Variants in IMMT observed in about 807,000 individuals in gnomAD.
IMMT encodes inner membrane mitochondrial protein.
In IMMT, 40 loss-of-function variants were observed where a neutral mutation model predicts 92.7. The ratio of observed to expected loss-of-function variants is 0.43; its 90% CI spans 0.34 to 0.56. IMMT has a LOEUF of 0.56. IMMT is among the 20% of genes least tolerant of loss of function. The pLI is 0.03. For missense variants in IMMT, 831 were observed against 912.1 expected (o/e 0.91, Z 1.14); for synonymous variants, 322 against 336.1 (o/e 0.96, Z 0.46).
chr2:86,188,201 G>C (rs987370394), intron 1 of IMMT, among the ~76,000 whole-genome samples: 2 of 151,720 alleles, frequency 1.3e-5, no homozygotes, highest in African/African-American at 4.8e-5. Context: ...CACCATGCCC[G>C]GCTAATTTGT....
In IMMT at chr2:86,144,181, G is replaced by C; in HGVS notation, c.*87C>G. The C allele has an allele frequency of 6.9e-7, 1 of 1,440,944 alleles. No homozygotes were observed. Among genetic ancestry groups the C allele is most frequent in the Non-Finnish European group, 9.5e-7 (1 of 1,052,592 alleles). The allele number at this position is 1,440,944 out of a possible 1,614,324, so 89.3% of individuals were successfully genotyped here. ...TGTAAACCTGCTCATTTCTAGACAA[G>C]TCCGGGACTCTCGCTGCGAACCCTT... On this transcript the variant is annotated 3_prime_UTR_variant, in exon 15 of 15. Transcript: ENST00000410111.
intron 12 of IMMT, among the ~76,000 whole-genome samples, chr2:86,150,378 T>C (rs548666161): frequency 2.0e-5 from 3 of 152,258 alleles, no homozygotes; most frequent in East Asian, 1.9e-4. Context: ...TATGCCACCA[T>C]TTGAGAGGCT....
intron 3 of IMMT, among the ~76,000 whole-genome samples, chr2:86,175,416 T>C (rs1677368718): frequency 1.3e-5 from 2 of 152,142 alleles, no homozygotes; most frequent in African/African-American, 4.8e-5. Context: ...TATTTGGTAC[T>C]ATCTTAATGT....
rs12478369 is a variant in IMMT, at chr2:86,172,831, C to A, written c.421+819G>T. ...CCCCACCACCCTTTTACATGACTTACCCCCCTTATCTCTTTCTAATCTTTG... is the reference window on the plus strand; with the variant it reads ...CCCCACCACCCTTTTACATGACTTAACCCCCTTATCTCTTTCTAATCTTTG... On this transcript the variant is annotated intron_variant, in intron 4 of 14. Coordinates refer to ENST00000410111, the MANE Select transcript of IMMT (RefSeq NM_006839.3). Among the ~76,000 whole-genome samples, 231 of 152,058 alleles carry A rather than the reference C, an allele frequency of 1.5e-3. 2 individuals carry two copies. The highest frequency in any genetic ancestry group is 5.4e-3 in the African/African-American group (223 of 41,482).
intron 3 of IMMT, among the ~76,000 whole-genome samples, chr2:86,176,988 T>C (rs142091340): frequency 2.0e-5 from 3 of 152,322 alleles, no homozygotes; most frequent in South Asian, 4.1e-4. Context: ...TTAAAGTCCA[T>C]AGGGAAGAAT....
chr2:86,175,809 A>C (rs999847310), intron 3 of IMMT, among the ~76,000 whole-genome samples: 1 of 152,136 alleles, frequency 6.6e-6, no homozygotes, highest in South Asian at 2.1e-4. Flanking sequence ...TGAAGGATGC[A>C]GCCCCTGAAG....
At chr2:86,148,541 G>C (rs1675216827) in intron 12 of IMMT, among the ~76,000 whole-genome samples, 1 of 152,180 alleles carries the variant, frequency 6.6e-6, no homozygotes, top group Non-Finnish European at 1.5e-5. Context: ...GAACCGAGGA[G>C]GCAGAGCTTG....
chr2:86,144,965 C>T, intron 14 of IMMT, 84 bp from the exon 15 acceptor site: 1 of 1,441,970 alleles, frequency 6.9e-7, no homozygotes, highest in Non-Finnish European at 9.3e-7. Context: ...ATTCAACAAG[C>T]TACATCTACA....
At chr2:86,167,726 T>G (rs1406332481) in intron 6 of IMMT, among the ~76,000 whole-genome samples, 1 of 133,286 alleles carries the variant, frequency 7.5e-6, no homozygotes, top group African/African-American at 2.9e-5. Flanking sequence ...TCGTGATCCA[T>G]CCACCTCAGC....
chr2:86,177,120 A>G (rs1677481515), intron 3 of IMMT, among the ~76,000 whole-genome samples: 1 of 152,206 alleles, frequency 6.6e-6, no homozygotes, highest in Non-Finnish European at 1.5e-5. Context: ...ATGGGTCTCT[A>G]GATCATGTTA....
chr2:86,144,231 G>C lies in IMMT; in HGVS notation c.*37C>G. 1 of 1,605,760 alleles carries C rather than the reference G, an allele frequency of 6.2e-7. No homozygotes were observed. Among genetic ancestry groups the C allele is most frequent in the Non-Finnish European group, 8.5e-7 (1 of 1,174,430 alleles). ...TCATCTATCACTGCTGATTTCCTTT[G>C]ACATGAAATATGACTTTATGAAAAT... On this transcript the variant is annotated 3_prime_UTR_variant, in exon 15 of 15. Coordinates refer to ENST00000410111, the MANE Select transcript of IMMT (RefSeq NM_006839.3).
chr2:86,151,168 T>C (rs1675444949), intron 12 of IMMT, 129 bp downstream of exon 12: 1 of 750,238 alleles, frequency 1.3e-6, no homozygotes, highest in Non-Finnish European at 2.2e-6. Flanking sequence ...TCCACCCACC[T>C]TGGCCTCCCA....
At position 86,166,654 on chromosome 2, in the gene IMMT, A is replaced by C. The variant is rs1452036625; in HGVS notation, c.656-10T>G. ...AAGCTCTTGGCTAGAGCTTAAAAAA[A>C]AAAAAGAACAGTTAAAAAACAAATC... On this transcript the variant is annotated splice_polypyrimidine_tract_variant and intron_variant, in intron 6 of 14. Transcript: ENST00000410111. The C allele has an allele frequency of 1.5e-5, 24 of 1,581,104 alleles. No homozygotes were observed. The highest frequency in any genetic ancestry group is 2.1e-5 in the Non-Finnish European group (24 of 1,169,036).
At position 86,181,382 on chromosome 2, in the gene IMMT, G is replaced by A. The variant is rs1558837215; in HGVS notation, c.46-10C>T. 2 of 1,605,708 alleles carry A rather than the reference G, an allele frequency of 1.2e-6. No homozygotes were observed. The highest frequency in any genetic ancestry group is 2.2e-5 in the South Asian group (2 of 90,856). ...TCCCACAGAGACAACTCTAAAGAAG[G>A]AAAACACATCACAACCAATACAGTT... On this transcript the variant is annotated splice_polypyrimidine_tract_variant and intron_variant, in intron 1 of 14. Coordinates refer to ENST00000410111, the MANE Select transcript of IMMT (RefSeq NM_006839.3).
In IMMT at chr2:86,164,689, C is replaced by CAAAAAAAAAAAAAA. The variant is rs56964046; in HGVS notation, c.792+1805_792+1818dup. ...CTGGTGACAGAGCAAGACTCTGTCTCAAAAAAAAAAAAAAAGGAATGGATG... is the reference window on the plus strand; with the variant it reads ...CTGGTGACAGAGCAAGACTCTGTCTCAAAAAAAAAAAAAAAAAAAAAAAAAAAAAGGAATGGATG... On this transcript the variant is annotated intron_variant, in intron 7 of 14. Transcript: ENST00000410111. 3.9e-3 allele frequency among the ~76,000 whole-genome samples: 436 copies of CAAAAAAAAAAAAAA among 111,322 alleles called. 37 individuals are homozygous for CAAAAAAAAAAAAAA. Among genetic ancestry groups the CAAAAAAAAAAAAAA allele is most frequent in the African/African-American group, 0.015 (421 of 27,364 alleles). 73.0% of individuals were successfully genotyped at this position (111,322 alleles called of 152,430 possible).
At chr2:86,176,016 T>C (rs1297031426) in intron 3 of IMMT, among the ~76,000 whole-genome samples, 1 of 152,212 alleles carries the variant, frequency 6.6e-6, no homozygotes, top group Non-Finnish European at 1.5e-5. Flanking sequence ...ATATTTGTAA[T>C]GAAGGGCAAC....
At position 86,144,658 on chromosome 2, in the gene IMMT, C is replaced by A; in HGVS notation, c.1887G>T (p.Glu629Asp). 1 of 1,613,938 alleles carries A rather than the reference C, an allele frequency of 6.2e-7. No individual in the cohort carries two copies. The change falls in exon 15 of 15, where the codon GAG (glutamate) becomes GAT (aspartate). Residue 629 changes from glutamate to aspartate, a missense_variant. Coordinates refer to ENST00000410111, the MANE Select transcript of IMMT (RefSeq NM_006839.3). ...CAGCATAGAAACGGGCTCTAAGGGT[C>A]TCTTCACTGTACACCCCACGGGTCA... ...ESLTRGVYSE[E>D]TLRARFYAVQ...
At chr2:86,181,160 T>A (rs967327493) in intron 2 of IMMT, 139 bp downstream of exon 2, 3 of 594,132 alleles carry the variant, frequency 5.0e-6, no homozygotes, top group Non-Finnish European at 9.1e-6. Flanking sequence ...GGTACCCCAA[T>A]AATGTTACAG....
Position 86,144,404 on chromosome 2 carries a change from T to C in IMMT, c.2141A>G (p.Lys714Arg). Reference sequence around the variant, plus strand: ...CTGTGCCACTCGTCTGGATTCCCCCTTCAGCTGATTGACAAACTTTGCTGC... The same window carrying C: ...CTGTGCCACTCGTCTGGATTCCCCCCTCAGCTGATTGACAAACTTTGCTGC... The part of the protein sequence containing the change: ...ELAAKFVNQL[K>R]GESRRVAQDW... Residue 714 changes from lysine to arginine, a missense_variant, in exon 15 of 15, where the codon AAG (lysine) becomes AGG (arginine). Physicochemically the swap from Lys to Arg is conservative, Grantham distance 26 (BLOSUM62 2). Coordinates refer to ENST00000410111, the MANE Select transcript of IMMT (RefSeq NM_006839.3). The C allele has an allele frequency of 1.2e-6, 2 of 1,614,014 alleles. No individual in the cohort carries two copies. The highest frequency in any genetic ancestry group is 1.7e-6 in the Non-Finnish European group (2 of 1,179,896).
Sources: allele counts gnomAD v4.1 joint callset (sites outside exome capture counted in the v4.1 genomes callset), GRCh38; gene constraint gnomAD v4.1.1; transcripts MANE v1.5; gene names NCBI Gene and HGNC (gene_info 2026-07-23, HGNC 2026-07-21).